ATP11B: variants seen among roughly 807,000 people sequenced by gnomAD.
ATP11B encodes ATPase phospholipid transporting 11B (putative).
Under a neutral mutation model 157.8 loss-of-function variants are expected in ATP11B, and 81 were observed. The ratio of observed to expected loss-of-function variants is 0.51; its 90% CI spans 0.43 to 0.62. ATP11B has a LOEUF of 0.62. ATP11B is among the 20% of genes least tolerant of loss of function. The pLI is 0.00. For missense variants in ATP11B, 1,165 were observed against 1,402.2 expected, an observed-to-expected ratio of 0.83 and a Z score of 2.70; for synonymous variants, 451 against 469.4, an observed-to-expected ratio of 0.96 and a Z score of 0.51.
In ATP11B at chr3:182,821,351, C is replaced by T. The variant is rs145579345; in HGVS notation, c.144+975C>T. Among the ~76,000 whole-genome samples, 273 of 152,254 alleles carry T rather than the reference C, an allele frequency of 1.8e-3. 1 individual carries two copies. The highest frequency in any genetic ancestry group is 3.1e-3 in the Non-Finnish European group (208 of 68,014). On this transcript the variant is annotated intron_variant, in intron 2 of 29. Coordinates refer to ENST00000323116, the MANE Select transcript of ATP11B (RefSeq NM_014616.3). ...CTTGAACTCCAGACCTCATGATCCACCCACCTCGGCCTCCCAAAGTGCTGG... is the reference window on the plus strand; with the variant it reads ...CTTGAACTCCAGACCTCATGATCCATCCACCTCGGCCTCCCAAAGTGCTGG...
At chr3:182,871,707 A>C (rs996663087) in intron 17 of ATP11B, among the ~76,000 whole-genome samples, 2 of 152,212 alleles carry the variant, frequency 1.3e-5, no homozygotes, top group African/African-American at 4.8e-5. Context: ...GGTATTAAGA[A>C]CTTTCTGGCT....
At chr3:182,853,041 A>C (rs908733498) in intron 10 of ATP11B, among the ~76,000 whole-genome samples, 1 of 152,202 alleles carries the variant, frequency 6.6e-6, no homozygotes, top group Non-Finnish European at 1.5e-5. Context: ...AGCCTCATTC[A>C]GTGCAACAAG....
intron 28 of ATP11B, among the ~76,000 whole-genome samples, chr3:182,906,350 C>A (rs1239242615): frequency 6.6e-6 from 1 of 152,166 alleles, no homozygotes; most frequent in Admixed American, 6.5e-5. Flanking sequence ...ATCTAAGTCA[C>A]CTCTTAAGTT....
At chr3:182,868,712 T>A (rs959062230) in intron 15 of ATP11B, among the ~76,000 whole-genome samples, 1 of 152,192 alleles carries the variant, frequency 6.6e-6, no homozygotes, top group Admixed American at 6.5e-5. Flanking sequence ...GCTGGGCAGA[T>A]CTGGATTCCA....
At chr3:182,844,572 T>C in intron 8 of ATP11B, 3 of 984,660 alleles carry the variant, frequency 3.0e-6, no homozygotes, top group Non-Finnish European at 3.6e-6. Flanking sequence ...CAAGAAGACC[T>C]GTGCTTCAAG....
intron 19 of ATP11B, among the ~76,000 whole-genome samples, chr3:182,875,964 T>G (rs1005730664): frequency 1.3e-5 from 2 of 152,194 alleles, no homozygotes; most frequent in African/African-American, 4.8e-5. Flanking sequence ...TATTTTTTTC[T>G]GGCTGGGCAC....
chr3:182,899,776 A>AT (rs1723823650), intron 28 of ATP11B, among the ~76,000 whole-genome samples: 1 of 152,154 alleles, frequency 6.6e-6, no homozygotes, highest in African/African-American at 2.4e-5. Context: ...TAATTTCCAA[A>AT]TACTTAGTAG....
At chr3:182,880,854 A>C (rs1394542578) in intron 20 of ATP11B, 25 bp from the exon 21 acceptor site, 1 of 1,481,832 alleles carries the variant, frequency 6.7e-7, no homozygotes, top group Non-Finnish European at 9.1e-7. Context: ...TGCGTCATAA[A>C]TAACCAATTC....
intron 5 of ATP11B, 66 bp downstream of exon 5, chr3:182,836,208 G>A (rs1718538617): frequency 6.4e-7 from 1 of 1,562,414 alleles, no homozygotes; most frequent in Non-Finnish European, 8.8e-7. Flanking sequence ...TTCTAATCTT[G>A]ATATTACGTT....
intron 1 of ATP11B, among the ~76,000 whole-genome samples, chr3:182,813,586 G>A (rs1426006466): frequency 6.6e-6 from 1 of 152,062 alleles, no homozygotes; most frequent in East Asian, 1.9e-4. Flanking sequence ...AGGAACACCA[G>A]AATAAAAAGT....
At chr3:182,822,909 A>G (rs1275256183) in intron 2 of ATP11B, among the ~76,000 whole-genome samples, 1 of 152,234 alleles carries the variant, frequency 6.6e-6, no homozygotes. Context: ...GGCTGCATAA[A>G]TGTCTTCTTT....
chr3:182,839,553 G>T (rs535926199), intron 7 of ATP11B, among the ~76,000 whole-genome samples: 17 of 151,694 alleles, frequency 1.1e-4, no homozygotes, highest in African/African-American at 4.1e-4. Flanking sequence ...TATTCTCGTG[G>T]TAGGATTTCT....
chr3:182,850,840 C>T (rs1577020335), intron 10 of ATP11B, among the ~76,000 whole-genome samples: 1 of 151,986 alleles, frequency 6.6e-6, no homozygotes, highest in Non-Finnish European at 1.5e-5. Flanking sequence ...ATCTAACGGT[C>T]CATCAGCAGA....
intron 4 of ATP11B, chr3:182,830,016 A>G (rs1407492495): frequency 2.4e-6 from 2 of 819,834 alleles, no homozygotes; most frequent in Non-Finnish European, 2.9e-6. Flanking sequence ...TTGTATATGT[A>G]TAAACCATTT....
chr3:182,879,847 T>C (rs2108558469), intron 20 of ATP11B, among the ~76,000 whole-genome samples, 198 bp downstream of exon 20: 1 of 152,334 alleles, frequency 6.6e-6, no homozygotes, highest in East Asian at 1.9e-4. Flanking sequence ...CAACTATTCA[T>C]AGTGACCCAG....
Position 182,900,646 on chromosome 3 carries a change from T to C in ATP11B, c.3318+1874T>C, listed in dbSNP as rs1339833242. Among the ~76,000 whole-genome samples the C allele has an allele frequency of 7.2e-5, 11 of 152,354 alleles. No homozygotes were observed. In the South Asian group the frequency reaches 1.9e-3, roughly 26 times the overall value. On this transcript the variant is annotated intron_variant, in intron 28 of 29. Coordinates refer to ENST00000323116, the MANE Select transcript of ATP11B (RefSeq NM_014616.3). ...AAAGAGTACTATTTTTAAGGCTTTG[T>C]CCATTATACTTACTCTAGATCTTTA... is the stretch of plus-strand genomic sequence containing the variant.
rs531386803 is a variant in ATP11B, at chr3:182,809,471, A to G, written c.28-10789A>G. Among the ~76,000 whole-genome samples the G allele has an allele frequency of 4.0e-5, 6 of 151,672 alleles. No individual in the cohort carries two copies. The South Asian group carries it at 1.3e-3, about 32-fold the overall frequency. On this transcript the variant is annotated intron_variant, in intron 1 of 29. Coordinates refer to ENST00000323116, the MANE Select transcript of ATP11B (RefSeq NM_014616.3). The stretch of plus-strand genomic sequence containing the variant: ...GCCATGTTGGCCGGGCCGTTCTTGA[A>G]CTCCTGGCCTCAAGCGATCTGCCTG...
chr3:182,835,985 A>G, intron 4 of ATP11B, 50 bp from the exon 5 acceptor site: 1 of 1,451,752 alleles, frequency 6.9e-7, no homozygotes, highest in Non-Finnish European at 9.4e-7. Context: ...TGATAAAAGT[A>G]TCTTCAAATT....
At chr3:182,898,445 G>C (rs1723714650) in intron 27 of ATP11B, among the ~76,000 whole-genome samples, 162 bp from the exon 28 acceptor site, 1 of 152,028 alleles carries the variant, frequency 6.6e-6, no homozygotes, top group Non-Finnish European at 1.5e-5. Flanking sequence ...AACAATTAAA[G>C]CTTATCTTGT....
Sources: gnomAD v4.1 joint callset for allele counts (sites outside exome capture counted in the v4.1 genomes callset) on GRCh38, gnomAD v4.1.1 for gene constraint, MANE v1.5 for transcripts, NCBI Gene and HGNC (gene_info 2026-07-23, HGNC 2026-07-21) for gene names.